MYZAP: variants seen among roughly 807,000 people sequenced by gnomAD.
The protein encoded by MYZAP is myocardial zonula adherens protein.
A neutral mutation model predicts 69.4 loss-of-function variants in MYZAP; 66 were observed. The observed-to-expected ratio is 0.95, with a 90% confidence interval of 0.78 to 1.17. MYZAP has a LOEUF of 1.17. Among genes scored for constraint, MYZAP ranks in the 50% most tolerant of loss-of-function variants. MYZAP has a pLI of 0.00. For missense variants in MYZAP, 611 were observed against 556.2 expected (o/e 1.10, Z -0.99); for synonymous variants, 256 against 205.9 (o/e 1.24, Z -2.09).
At chr15:57,621,995 C>T (rs141826148) in intron 4 of MYZAP, among the ~76,000 whole-genome samples, 2 of 152,088 alleles carry the variant, frequency 1.3e-5, no homozygotes, top group Non-Finnish European at 2.9e-5. Context: ...ACTGGCCAAA[C>T]AAGAGAAATA....
At chr15:57,633,459 G>A (rs1455334361) in intron 7 of MYZAP, among the ~76,000 whole-genome samples, 154 bp from the exon 8 acceptor site, 11 of 152,156 alleles carry the variant, frequency 7.2e-5, no homozygotes, top group African/African-American at 2.2e-4. Flanking sequence ...AACCAGAACC[G>A]TGAGGTTGAG....
rs191622907 is a variant in MYZAP, at chr15:57,655,355, G to A, written c.1120-6095G>A. Among the ~76,000 whole-genome samples, 477 of 152,300 alleles carry A rather than the reference G, an allele frequency of 3.1e-3. 2 individuals carry two copies. Among genetic ancestry groups the A allele is most frequent in the Admixed American group, 9.9e-3 (152 of 15,298 alleles). On this transcript the variant is annotated intron_variant, in intron 10 of 12. Transcript: ENST00000267853. ...AGGGTTCATTGTAGGGACAGGATGGGCATGAAATGAAAGTGGGAAAATAGG... is the reference window on the plus strand; with the variant it reads ...AGGGTTCATTGTAGGGACAGGATGGACATGAAATGAAAGTGGGAAAATAGG...
chr15:57,674,832 G>A (rs2039036564), intron 11 of MYZAP, 136 bp from the exon 12 acceptor site: 2 of 700,304 alleles, frequency 2.9e-6, no homozygotes, highest in East Asian at 2.8e-5. Context: ...TATTGTGTAA[G>A]TGATGCTCTG....
At position 57,684,991 on chromosome 15, in the gene MYZAP, AG is replaced by A. The variant is rs138177867; in HGVS notation, c.*496del. The A allele has an allele frequency of 0.048, 7,407 of 153,830 alleles. 514 individuals are homozygous for A. The highest frequency in any genetic ancestry group is 0.15 in the African/African-American group (6,391 of 41,510). 9.5% of individuals were successfully genotyped at this position (153,830 alleles called of 1,614,324 possible). A position where few individuals can be genotyped will look rare whatever the true frequency, so the allele number is the denominator to read the frequency against. On this transcript the variant is annotated 3_prime_UTR_variant, in exon 13 of 13. Transcript: ENST00000267853. ...CCAGCCAAACTTGAACCTGGAAGGG[AG>A]GGTTCCCGGCCTGCAGGTGCTCTTT... is the stretch of plus-strand genomic sequence containing the variant.
chr15:57,616,366 G>A (rs905070584), intron 2 of MYZAP, among the ~76,000 whole-genome samples: 13 of 152,158 alleles, frequency 8.5e-5, no homozygotes, highest in African/African-American at 2.2e-4. Context: ...TTGGCTGGGC[G>A]CAGTGGCTCA....
intron 11 of MYZAP, among the ~76,000 whole-genome samples, chr15:57,663,285 A>G (rs8034146): frequency 0.66 from 100,379 of 151,320 alleles, 33,446 homozygotes; most frequent in East Asian, 0.87. Flanking sequence ...GGAATATTGC[A>G]CATGGGGAGT....
At chr15:57,610,813 AAT>A in intron 2 of MYZAP, among the ~76,000 whole-genome samples, 1 of 152,266 alleles carries the variant, frequency 6.6e-6, no homozygotes, top group South Asian at 2.1e-4. Flanking sequence ...AGGAGCTGGG[AAT>A]AGTGTCTGAA....
intron 11 of MYZAP, among the ~76,000 whole-genome samples, chr15:57,665,321 T>A (rs2038512903): frequency 1.3e-5 from 2 of 152,258 alleles, no homozygotes; most frequent in Non-Finnish European, 2.9e-5. Flanking sequence ...CTTTTAGCAG[T>A]TGGCCCCGAT....
Position 57,592,065 on chromosome 15 carries a change from C to G in MYZAP, c.31C>G (p.Leu11Val). 7.1e-7 allele frequency: 1 copy of G among 1,403,064 alleles called. No homozygotes were observed. Among genetic ancestry groups the G allele is most frequent in the Non-Finnish European group, 9.2e-7 (1 of 1,082,392 alleles). 86.9% of individuals were successfully genotyped at this position (1,403,064 alleles called of 1,614,324 possible). The change falls in exon 1 of 13, where the codon CTC (leucine) becomes GTC (valine). Residue 11 changes from leucine to valine, a missense_variant. Transcript: ENST00000267853. ...GCGCTCCACGTCCACGGTCACCCTG[C>G]TCTCGGGCGGCGCCGCCAGGACGCC... is the stretch of plus-strand genomic sequence containing the variant. Reference protein sequence around the residue: MLRSTSTVTLLSGGAARTPGA... With the variant: MLRSTSTVTLVSGGAARTPGA...
At position 57,591,932 on chromosome 15, in the gene MYZAP, G is replaced by T. The variant is rs1196355041; in HGVS notation, c.-103G>T. 4.5e-6 allele frequency: 5 copies of T among 1,118,202 alleles called. No homozygotes were observed. Among genetic ancestry groups the T allele is most frequent in the Non-Finnish European group, 5.6e-6 (5 of 889,848 alleles). The allele number at this position is 1,118,202 out of a possible 1,614,324, so 69.3% of individuals were successfully genotyped here. On this transcript the variant is annotated 5_prime_UTR_variant, in exon 1 of 13. Transcript: ENST00000267853. ...CGCGGTGCAGCTGAGGCTGCAAGTA[G>T]CCGGCGCCGTCCCGCGTCGCCCCCG... is the stretch of plus-strand genomic sequence containing the variant.
intron 10 of MYZAP, among the ~76,000 whole-genome samples, chr15:57,651,999 G>A (rs1199210527): frequency 6.6e-6 from 1 of 151,980 alleles, no homozygotes; most frequent in Non-Finnish European, 1.5e-5. Context: ...CCTTTTGAAT[G>A]GTATAGTTCT....
intron 10 of MYZAP, among the ~76,000 whole-genome samples, chr15:57,641,158 T>C (rs1190962008): frequency 1.3e-5 from 2 of 152,160 alleles, no homozygotes; most frequent in African/African-American, 4.8e-5. Flanking sequence ...TATCTAATCG[T>C]TAGAGAACTA....
At chr15:57,635,155 G>A (rs1474707934) in intron 8 of MYZAP, among the ~76,000 whole-genome samples, 3 of 152,164 alleles carry the variant, frequency 2.0e-5, no homozygotes, top group Admixed American at 6.5e-5. Flanking sequence ...GTGTCTCTTT[G>A]TAGTTGTTTG....
At chr15:57,601,881 G>C (rs2034437961) in intron 1 of MYZAP, among the ~76,000 whole-genome samples, 1 of 152,172 alleles carries the variant, frequency 6.6e-6, no homozygotes, top group Admixed American at 6.5e-5. Context: ...TCTGGTGTAA[G>C]CTCAGATCAG....
At chr15:57,650,845 G>A (rs2037689280) in intron 10 of MYZAP, among the ~76,000 whole-genome samples, 1 of 152,208 alleles carries the variant, frequency 6.6e-6, no homozygotes, top group Admixed American at 6.5e-5. Context: ...GCAAAAACAT[G>A]CAGACCAGAA....
At chr15:57,606,274 G>A (rs1380790087) in intron 2 of MYZAP, among the ~76,000 whole-genome samples, 5 of 152,144 alleles carry the variant, frequency 3.3e-5, no homozygotes, top group Non-Finnish European at 7.3e-5. Context: ...GACTTCTGAG[G>A]TGATTCACCT....
intron 10 of MYZAP, among the ~76,000 whole-genome samples, chr15:57,652,064 A>G (rs141267688): frequency 1.3e-5 from 2 of 152,328 alleles, no homozygotes; most frequent in Non-Finnish European, 2.9e-5. Context: ...AATATGTGCC[A>G]TGTTCATATC....
chr15:57,637,094 C>T (rs2036861273), intron 8 of MYZAP, among the ~76,000 whole-genome samples: 1 of 152,180 alleles, frequency 6.6e-6, no homozygotes, highest in Admixed American at 6.5e-5. Flanking sequence ...CCTGCTGCCT[C>T]CTCCTCCTTA....
At chr15:57,592,200 CCAGCACCTGG>C (rs768953798) in intron 1 of MYZAP, 91 bp downstream of exon 1, 1 of 1,150,782 alleles carries the variant, frequency 8.7e-7, no homozygotes, top group Non-Finnish European at 1.1e-6. Context: ...AGCTCGGGAG[CCAGCACCTGG>C]CCCCGACGCC....
Sources: allele counts gnomAD v4.1 joint callset (sites outside exome capture counted in the v4.1 genomes callset), GRCh38; gene constraint gnomAD v4.1.1; transcripts MANE v1.5; gene names NCBI Gene and HGNC (gene_info 2026-07-23, HGNC 2026-07-21).